Variants in COL4A4 observed in about 807,000 individuals in gnomAD.
COL4A4 encodes collagen alpha-4(IV) chain.
Under a neutral mutation model 192.9 loss-of-function variants are expected in COL4A4, and 105 were observed. The observed-to-expected ratio is 0.54, with a 90% confidence interval of 0.46 to 0.64. COL4A4 has a LOEUF of 0.64. Ranked by LOEUF, COL4A4 falls within the 30% of genes least tolerant of loss-of-function variation. COL4A4 has a pLI of 0.00. For synonymous variants in COL4A4, 762 were observed against 769.9 expected, an observed-to-expected ratio of 0.99 and a Z score of 0.17; for missense variants, 1,967 against 2,169.3, an observed-to-expected ratio of 0.91 and a Z score of 1.85.
At chr2:226,984,977 A>C in the COL4A4 span, among the ~76,000 whole-genome samples, 1 of 151,226 alleles carries the variant, frequency 6.6e-6, no homozygotes, top group African/African-American at 2.4e-5. Flanking sequence ...ATTGGGGGCA[A>C]GTACAAGTGG....
chr2:226,972,161 G>A, the COL4A4 span, among the ~76,000 whole-genome samples: 1 of 152,086 alleles, frequency 6.6e-6, no homozygotes, highest in Non-Finnish European at 1.5e-5. Flanking sequence ...TCCCACTTAC[G>A]AGTGAGAACA....
chr2:227,078,075 C>T lies in COL4A4; in HGVS notation c.1806G>A (p.Gly602=), dbSNP rs267599230. ...CACCTGGGGTCGCATCTTCATGATC[C>T]CCCTGGGAATGTTATGTCATGAGTC... ...AGEKGDPGPP[G]DHEDATPGGK... is the part of the protein sequence containing the mutation. The change falls in exon 25 of 48, where the codon GGG becomes GGA. Residue 602 remains glycine (G), a splice_region_variant and synonymous_variant. Transcript: ENST00000396625. 5 of 1,613,770 alleles carry T rather than the reference C, an allele frequency of 3.1e-6. No homozygotes were observed. Among genetic ancestry groups the T allele is most frequent in the African/African-American group, 1.3e-5 (1 of 74,860 alleles).
intron 25 of COL4A4, among the ~76,000 whole-genome samples, chr2:227,068,803 G>A (rs1206267699): frequency 6.8e-6 from 1 of 147,246 alleles, no homozygotes; most frequent in Admixed American, 6.8e-5. Context: ...TTGAAAACTG[G>A]CACAAGACAG....
chr2:227,159,018 T>C (rs1008553079), intron 1 of COL4A4, among the ~76,000 whole-genome samples: 2 of 152,218 alleles, frequency 1.3e-5, no homozygotes, highest in Non-Finnish European at 2.9e-5. Flanking sequence ...AAAATATTCA[T>C]AGTAGCTTGA....
intron 1 of COL4A4, among the ~76,000 whole-genome samples, chr2:227,161,778 G>A (rs1164786461): frequency 1.3e-5 from 2 of 152,114 alleles, no homozygotes; most frequent in Non-Finnish European, 2.9e-5. Flanking sequence ...CTGGTCCCAA[G>A]GGATGCCAAG....
At chr2:227,102,381 C>T (rs1382662002) in intron 15 of COL4A4, among the ~76,000 whole-genome samples, 1 of 152,216 alleles carries the variant, frequency 6.6e-6, no homozygotes, top group African/African-American at 2.4e-5. Flanking sequence ...TCCATGGTGA[C>T]TCTATGAGTG....
chr2:227,016,984 C>T (rs1292549799), intron 44 of COL4A4, among the ~76,000 whole-genome samples: 1 of 152,172 alleles, frequency 6.6e-6, no homozygotes, highest in Non-Finnish European at 1.5e-5. Context: ...TGGAACTCCA[C>T]CACCTTCCAA....
chr2:227,109,225 A>G lies in COL4A4; in HGVS notation c.656T>C (p.Val219Ala). 2 of 1,613,540 alleles carry G rather than the reference A, an allele frequency of 1.2e-6. No individual in the cohort carries two copies. The highest frequency in any genetic ancestry group is 8.5e-7 in the Non-Finnish European group (1 of 1,179,468). Residue 219 changes from valine (V) to alanine (A), a missense_variant and splice_region_variant, in exon 10 of 48, where the codon GTG (valine) becomes GCG (alanine). Val to Ala is a moderately conservative substitution (Grantham distance 64, BLOSUM62 0). Transcript: ENST00000396625. ...TCACATCAGCAGTGCTGTACTTACCACTAACCCTGGCTCTCCAGGATATCC... is the reference window on the plus strand; with the variant it reads ...TCACATCAGCAGTGCTGTACTTACCGCTAACCCTGGCTCTCCAGGATATCC... ...PTGYPGEPGLVGPPGQPGRPG... is the reference protein window; with the variant it reads ...PTGYPGEPGLAGPPGQPGRPG...
chr2:227,065,022 G>C (rs1022886737), intron 25 of COL4A4, among the ~76,000 whole-genome samples: 2 of 152,202 alleles, frequency 1.3e-5, no homozygotes, highest in African/African-American at 2.4e-5. Flanking sequence ...GCAGGTCAGT[G>C]GGTGCGCGCA....
At chr2:227,134,568 T>C (rs186603213) in intron 4 of COL4A4, among the ~76,000 whole-genome samples, 2 of 152,318 alleles carry the variant, frequency 1.3e-5, no homozygotes, top group Admixed American at 6.5e-5. Flanking sequence ...GACTGAGTTC[T>C]AGAACTTTGA....
intron 13 of COL4A4, 128 bp from the exon 14 acceptor site, chr2:227,103,325 C>A: frequency 1.3e-6 from 1 of 741,112 alleles, no homozygotes; most frequent in Non-Finnish European, 2.3e-6. Context: ...AGAGATTACT[C>A]TTCACCTGTT....
At chr2:226,992,013 CTTT>C in the COL4A4 span, among the ~76,000 whole-genome samples, 1 of 152,226 alleles carries the variant, frequency 6.6e-6, no homozygotes, top group African/African-American at 2.4e-5. Flanking sequence ...TGTCCAGATT[CTTT>C]CCTGTGTGCT....
At chr2:227,009,387 C>T (rs1003682464) in intron 46 of COL4A4, among the ~76,000 whole-genome samples, 3 of 152,174 alleles carry the variant, frequency 2.0e-5, no homozygotes, top group African/African-American at 4.8e-5. Context: ...AAATCAGTCC[C>T]GCAGCTTGCA....
At chr2:227,105,895 A>G (rs2060810129) in intron 12 of COL4A4, among the ~76,000 whole-genome samples, 3 of 152,156 alleles carry the variant, frequency 2.0e-5, no homozygotes, top group Admixed American at 6.6e-5. Context: ...TTGTAATATT[A>G]CCTACCTCAA....
intron 1 of COL4A4, among the ~76,000 whole-genome samples, chr2:227,154,105 A>G (rs370020898): frequency 2.6e-5 from 4 of 152,020 alleles, no homozygotes; most frequent in African/African-American, 9.7e-5. Flanking sequence ...AAGATCCACA[A>G]CCTCTTTCCC....
At chr2:226,967,436 AG>A in the COL4A4 span, among the ~76,000 whole-genome samples, 1 of 152,014 alleles carries the variant, frequency 6.6e-6, no homozygotes, top group Non-Finnish European at 1.5e-5. Flanking sequence ...CACAATGTGC[AG>A]GTTTGTTACA....
At chr2:227,126,174 C>T (rs1576701337) in intron 4 of COL4A4, among the ~76,000 whole-genome samples, 1 of 152,172 alleles carries the variant, frequency 6.6e-6, no homozygotes, top group South Asian at 2.1e-4. Flanking sequence ...TTCTAAATAA[C>T]CTAGAAATGA....
chr2:227,084,793 C>T (rs1221742176), intron 22 of COL4A4, among the ~76,000 whole-genome samples: 1 of 152,028 alleles, frequency 6.6e-6, no homozygotes, highest in African/African-American at 2.4e-5. Flanking sequence ...CTGAGATCAC[C>T]AAACACTTGT....
At chr2:227,012,747 T>C (rs1479423731) in intron 44 of COL4A4, among the ~76,000 whole-genome samples, 1 of 152,200 alleles carries the variant, frequency 6.6e-6, no homozygotes, top group Non-Finnish European at 1.5e-5. Context: ...TCGGTTTCAT[T>C]TGGGGTCACG....
Sources: allele counts gnomAD v4.1 joint callset (sites outside exome capture counted in the v4.1 genomes callset), GRCh38; gene constraint gnomAD v4.1.1; transcripts MANE v1.5; gene names NCBI Gene and HGNC (gene_info 2026-07-23, HGNC 2026-07-21).